Variants in CD163L1 observed in about 807,000 individuals in gnomAD.
CD163L1 encodes the protein CD163 molecule like 1.
A neutral mutation model predicts 165.4 loss-of-function variants in CD163L1; 124 were observed. The observed-to-expected ratio is 0.75, with a 90% CI of 0.65 to 0.87. CD163L1 has a LOEUF of 0.87. Ranked by LOEUF, CD163L1 falls within the 40% of genes least tolerant of loss-of-function variation. The probability of loss-of-function intolerance (pLI) is 0.00; values close to 1 mark genes in which losing one functional copy is unlikely to be tolerated. For synonymous variants in CD163L1, 585 were observed against 662.2 expected, an observed-to-expected ratio of 0.88 and a Z score of 1.79; for missense variants, 1,525 against 1,799.9, an observed-to-expected ratio of 0.85 and a Z score of 2.76.
At chr12:7,330,135 A>G in the CD163L1 span, among the ~76,000 whole-genome samples, 1 of 152,210 alleles carries the variant, frequency 6.6e-6, no homozygotes, top group African/African-American at 2.4e-5. Flanking sequence ...AGTAAGAGTT[A>G]ACATTCTAAA....
rs772067194 is a variant in CD163L1, at chr12:7,421,057, G to GTA, written c.766+11357_766+11358dup. 8.7e-3 allele frequency among the ~76,000 whole-genome samples: 684 copies of GTA among 79,026 alleles called. 15 individuals carry two copies. Among genetic ancestry groups the GTA allele is most frequent in the African/African-American group, 0.041 (584 of 14,246 alleles). 51.8% of individuals were successfully genotyped at this position (79,026 alleles called of 152,430 possible). A position where few individuals can be genotyped will look rare whatever the true frequency, so the allele number is the denominator to read the frequency against. On this transcript the variant is annotated intron_variant, in intron 4 of 19. Transcript: ENST00000313599. The stretch of plus-strand genomic sequence containing the variant: ...TATACGTGTATATATATGTATATAC[G>GTA]TATATATGTATATATACGTATATAT...
chr12:7,368,983 AG>A lies in CD163L1; in HGVS notation c.4040-19del, dbSNP rs1434377524. On this transcript the variant is annotated intron_variant, in intron 15 of 19. Transcript: ENST00000313599. The surrounding 1 kb of genome is among the most constrained non-coding windows in gnomAD (Gnocchi z 4.3). The stretch of plus-strand genomic sequence containing the variant: ...CGACTGTCCTGAGAGAGAGAGAGAG[AG>A]AGAGAGACGTAAATGAACGAAAAGG... 1.2e-6 allele frequency: 2 copies of A among 1,613,200 alleles called. No individual in the cohort carries two copies. Among genetic ancestry groups the A allele is most frequent in the Non-Finnish European group, 1.7e-6 (2 of 1,179,816 alleles).
At chr12:7,421,453 G>GTACATATATACATATATGTACATATA (rs1948394808) in intron 4 of CD163L1, among the ~76,000 whole-genome samples, 1 of 106,266 alleles carries the variant, frequency 9.4e-6, no homozygotes, top group Non-Finnish European at 1.8e-5. Flanking sequence ...ATACATATAT[G>GTACATATATACATATATGTACATATA]TACATATATA....
At chr12:7,360,626 G>C (rs1946872485) in intron 18 of CD163L1, among the ~76,000 whole-genome samples, 1 of 152,044 alleles carries the variant, frequency 6.6e-6, no homozygotes, top group Non-Finnish European at 1.5e-5. Context: ...TTCAGATACT[G>C]ATATTTTTAA....
At chr12:7,444,056 C>G (rs1378356469) in intron 1 of CD163L1, 41 bp downstream of exon 1, 5 of 1,599,762 alleles carry the variant, frequency 3.1e-6, no homozygotes, top group Admixed American at 1.7e-5. Context: ...GTATACCCAC[C>G]ATCTCCCAAA....
intron 8 of CD163L1, among the ~76,000 whole-genome samples, chr12:7,391,260 G>A (rs1334710517): frequency 6.6e-6 from 1 of 152,174 alleles, no homozygotes; most frequent in Non-Finnish European, 1.5e-5. Context: ...CAAAGATGGG[G>A]AGAAACCAGA....
At position 7,374,039 on chromosome 12, in the gene CD163L1, C is replaced by G. The variant is rs1260675218; in HGVS notation, c.3410-399G>C. Among the ~76,000 whole-genome samples, 1 of 152,176 alleles carries G rather than the reference C, an allele frequency of 6.6e-6. No individual in the cohort carries two copies. The highest frequency in any genetic ancestry group is 1.5e-5 in the Non-Finnish European group (1 of 68,014). The stretch of plus-strand genomic sequence containing the variant: ...TTAGTAAAGACCCTTCCTCATCCCT[C>G]TTTCCTCTTACCACTAGAGACAGAA... On this transcript the variant is annotated intron_variant, in intron 13 of 19. Coordinates refer to ENST00000313599, the MANE Select transcript of CD163L1 (RefSeq NM_174941.6). The surrounding 1 kb of genome is among the most constrained non-coding windows in gnomAD (Gnocchi z 5.4).
chr12:7,395,699 G>A (rs1309502709), intron 8 of CD163L1, among the ~76,000 whole-genome samples: 1 of 152,138 alleles, frequency 6.6e-6, no homozygotes, highest in Non-Finnish European at 1.5e-5. Flanking sequence ...AGGTAACAAT[G>A]AGTATTTGAG....
chr12:7,380,295 G>GTGTATACACATATACATACATGTA (rs1565783998), intron 8 of CD163L1, among the ~76,000 whole-genome samples: 1 of 77,922 alleles, frequency 1.3e-5, no homozygotes, highest in Non-Finnish European at 2.8e-5. Context: ...GTGTGTGTGT[G>GTGTATACACATATACATACATGTA]TGTGTGTATA....
At position 7,374,481 on chromosome 12, in the gene CD163L1, C is replaced by A. The variant is rs767128621; in HGVS notation, c.3370G>T (p.Asp1124Tyr). 6 of 1,614,004 alleles carry A rather than the reference C, an allele frequency of 3.7e-6. No homozygotes were observed. Among genetic ancestry groups the A allele is most frequent in the Non-Finnish European group, 5.1e-6 (6 of 1,179,942 alleles). ...QCPSRGWGQH[D>Y]CRHKEDAGVI... ...CCTGCGTCCTCCTTGTGCCTGCAGT[C>A]GTGCTGCCCCCAGCCGCGGGAAGGG... The change falls in exon 13 of 20, where the codon GAC becomes TAC. Residue 1124 changes from aspartate to tyrosine, a missense_variant. Coordinates refer to ENST00000313599, the MANE Select transcript of CD163L1 (RefSeq NM_174941.6). This position sits in a 1 kb window ranked among gnomAD's most constrained non-coding sequence, Gnocchi z 5.4.
chr12:7,408,090 T>TAG, intron 4 of CD163L1, among the ~76,000 whole-genome samples: 1 of 148,126 alleles, frequency 6.8e-6, no homozygotes, highest in African/African-American at 2.6e-5. Context: ...TATATATATA[T>TAG]ATATCATATA....
chr12:7,375,886 T>C lies in CD163L1; in HGVS notation c.2500A>G (p.Arg834Gly). The change falls in exon 10 of 20, where the codon AGA becomes GGA. Residue 834 changes from arginine to glycine, a missense_variant. Coordinates refer to ENST00000313599, the MANE Select transcript of CD163L1 (RefSeq NM_174941.6). ...FSLHAANVLCRELNCGDAISL... is the reference protein window; with the variant it reads ...FSLHAANVLCGELNCGDAISL... ...ATGGCATCTCCACAGTTTAATTCTC[T>C]GCACAGCACATTGGCAGCATGAAGA... The C allele has an allele frequency of 6.2e-7, 1 of 1,614,204 alleles. No homozygotes were observed. Among genetic ancestry groups the C allele is most frequent in the Non-Finnish European group, 8.5e-7 (1 of 1,180,024 alleles).
At chr12:7,394,192 C>T (rs923569625) in intron 8 of CD163L1, among the ~76,000 whole-genome samples, 12 of 151,982 alleles carry the variant, frequency 7.9e-5, no homozygotes, top group Non-Finnish European at 1.6e-4. Flanking sequence ...TGACTTCAAA[C>T]TATACTACAA....
chr12:7,397,456 G>C (rs1202368725), intron 7 of CD163L1, among the ~76,000 whole-genome samples: 5 of 152,172 alleles, frequency 3.3e-5, no homozygotes, highest in Non-Finnish European at 7.4e-5. Flanking sequence ...CTAAGTGAGG[G>C]ATTTAATTGG....
At chr12:7,407,816 C>A (rs11053731) in intron 4 of CD163L1, among the ~76,000 whole-genome samples, 18,609 of 151,272 alleles carry the variant, frequency 0.12, 1,646 homozygotes, top group African/African-American at 0.24. Context: ...CAGACACACA[C>A]ACACACACAC....
chr12:7,374,820 A>T lies in CD163L1; in HGVS notation c.3094+11T>A. On this transcript the variant is annotated intron_variant, in intron 12 of 19. Coordinates refer to ENST00000313599, the MANE Select transcript of CD163L1 (RefSeq NM_174941.6). This position sits in a 1 kb window ranked among gnomAD's most constrained non-coding sequence, Gnocchi z 5.4. ...AGAGTTGCAGTGTTTCCTAAAACTGATTCTGCTTACCTAAGCAGATCAAAG... is the reference window on the plus strand; with the variant it reads ...AGAGTTGCAGTGTTTCCTAAAACTGTTTCTGCTTACCTAAGCAGATCAAAG... The T allele has an allele frequency of 6.2e-7, 1 of 1,614,126 alleles. No homozygotes were observed. Among genetic ancestry groups the T allele is most frequent in the South Asian group, 1.1e-5 (1 of 91,082 alleles).
intron 18 of CD163L1, among the ~76,000 whole-genome samples, chr12:7,365,867 C>G (rs981477814): frequency 2.6e-5 from 4 of 152,018 alleles, no homozygotes; most frequent in Non-Finnish European, 5.9e-5. Context: ...CCTCAAAAAA[C>G]TAAAGATAGT....
At chr12:7,428,691 C>A (rs1393622449) in intron 4 of CD163L1, among the ~76,000 whole-genome samples, 1 of 152,022 alleles carries the variant, frequency 6.6e-6, no homozygotes, top group Non-Finnish European at 1.5e-5. Context: ...TACCTATAAA[C>A]CATGCTCATC....
At chr12:7,385,827 C>G (rs1947503823) in intron 8 of CD163L1, among the ~76,000 whole-genome samples, 1 of 151,716 alleles carries the variant, frequency 6.6e-6, no homozygotes, top group Non-Finnish European at 1.5e-5. Context: ...AGAAACACAA[C>G]ATACCAAAGC....
Sources: allele counts gnomAD v4.1 joint callset (sites outside exome capture counted in the v4.1 genomes callset), GRCh38; gene constraint gnomAD v4.1.1; non-coding constraint Gnocchi (gnomAD v3.1); transcripts MANE v1.5; gene names NCBI Gene and HGNC (gene_info 2026-07-23, HGNC 2026-07-21).